Variants in SELENOF observed in about 807,000 individuals in gnomAD.
SELENOF encodes 15 kDa selenoprotein.
In SELENOF, 16 loss-of-function variants were observed where a neutral mutation model predicts 20.5. That is an observed-to-expected ratio of 0.78 (90% confidence interval 0.53 to 1.19). The LOEUF is 1.19. SELENOF is among the 50% of genes most tolerant of loss of function. The pLI, the probability that SELENOF is intolerant of heterozygous loss-of-function variation, is 0.00. For missense variants in SELENOF, 215 were observed against 194.2 expected, an observed-to-expected ratio of 1.11 and a Z score of -0.64; for synonymous variants, 78 against 74.5, an observed-to-expected ratio of 1.05 and a Z score of -0.24.
At chr1:86,883,279 G>C (rs1659124527) in intron 2 of SELENOF, among the ~76,000 whole-genome samples, 1 of 152,138 alleles carries the variant, frequency 6.6e-6, no homozygotes, top group African/African-American at 2.4e-5. Context: ...AATGGTAGTT[G>C]TCAGTGGGGG....
At chr1:86,874,991 T>C (rs1042819232) in intron 3 of SELENOF, among the ~76,000 whole-genome samples, 10 of 152,212 alleles carry the variant, frequency 6.6e-5, no homozygotes, top group African/African-American at 2.4e-4. Context: ...GCCAGCACTC[T>C]GGGAGGCCAA....
chr1:86,863,606 C>A lies in SELENOF; in HGVS notation c.367-1G>T. ...ATACAGGGTCTGAACCACGGACATACTACAAAAAAGAGGGACGTCATCATT... is the reference window on the plus strand; with the variant it reads ...ATACAGGGTCTGAACCACGGACATAATACAAAAAAGAGGGACGTCATCATT... On this transcript the variant is annotated splice_acceptor_variant, in intron 4 of 4. Coordinates refer to ENST00000331835, the MANE Select transcript of SELENOF (RefSeq NM_004261.5). LOFTEE classifies it high-confidence loss of function. The A allele has an allele frequency of 6.2e-7, 1 of 1,611,294 alleles. No homozygotes were observed. The highest frequency in any genetic ancestry group is 2.2e-5 in the East Asian group (1 of 44,822).
chr1:86,892,107 TA>T (rs1160943098), intron 2 of SELENOF, among the ~76,000 whole-genome samples: 1 of 152,056 alleles, frequency 6.6e-6, no homozygotes, highest in Non-Finnish European at 1.5e-5. Context: ...ATTTCTTTTG[TA>T]TTTTTAGTAG....
At chr1:86,867,208 C>A (rs1406560416) in intron 4 of SELENOF, among the ~76,000 whole-genome samples, 1 of 151,950 alleles carries the variant, frequency 6.6e-6, no homozygotes, top group African/African-American at 2.4e-5. Context: ...CAGTGGTGGC[C>A]AGGCGCAGTG....
In SELENOF at chr1:86,862,942, A is replaced by G. The variant is rs1275000398; in HGVS notation, c.*532T>C. 1 of 152,680 alleles carries G rather than the reference A, an allele frequency of 6.5e-6. No individual in the cohort carries two copies. The highest frequency in any genetic ancestry group is 1.5e-5 in the Non-Finnish European group (1 of 68,064). The allele number at this position is 152,680 out of a possible 1,614,324, so 9.5% of individuals were successfully genotyped here. A position where few individuals can be genotyped will look rare whatever the true frequency, so the allele number is the denominator to read the frequency against. ...TATGTTTTACAATAATGAAGCTACA[A>G]AGTTTTTATGCAGTGCATTCATTGT... On this transcript the variant is annotated 3_prime_UTR_variant, in exon 5 of 5. Coordinates refer to ENST00000331835, the MANE Select transcript of SELENOF (RefSeq NM_004261.5).
chr1:86,887,308 T>C lies in SELENOF; in HGVS notation c.253-6583A>G. 3 of 1,209,118 alleles carry C rather than the reference T, an allele frequency of 2.5e-6. No individual in the cohort carries two copies. The South Asian group carries it at 7.1e-5, about 29-fold the overall frequency. 74.9% of individuals were successfully genotyped at this position (1,209,118 alleles called of 1,614,324 possible). ...AAATTACTACTCATCTTGGAGTGCT[T>C]TTTACTAAATTCTGAAAAAATACAA... On this transcript the variant is annotated intron_variant, in intron 2 of 4. Coordinates refer to ENST00000331835, the MANE Select transcript of SELENOF (RefSeq NM_004261.5).
intron 3 of SELENOF, among the ~76,000 whole-genome samples, chr1:86,880,436 C>T (rs571511112): frequency 5.9e-5 from 9 of 152,132 alleles, no homozygotes; most frequent in African/African-American, 1.9e-4. Context: ...TGACCCACCA[C>T]GCCTGGCCTC....
chr1:86,906,558 G>T (rs2102130188), intron 1 of SELENOF, among the ~76,000 whole-genome samples: 1 of 152,298 alleles, frequency 6.6e-6, no homozygotes, highest in South Asian at 2.1e-4. Flanking sequence ...CCTCTGCCTG[G>T]CTAGTATTCT....
chr1:86,903,099 C>A (rs143368646), intron 2 of SELENOF, among the ~76,000 whole-genome samples, 182 bp downstream of exon 2: 202 of 152,308 alleles, frequency 1.3e-3, no homozygotes, highest in Admixed American at 3.7e-3. Context: ...TGGTATGCAA[C>A]CATACTTCTC....
chr1:86,883,443 T>A (rs1659129390), intron 2 of SELENOF, among the ~76,000 whole-genome samples: 1 of 152,112 alleles, frequency 6.6e-6, no homozygotes, highest in South Asian at 2.1e-4. Context: ...TTTTAGTGTA[T>A]ATTTTACACT....
intron 3 of SELENOF, among the ~76,000 whole-genome samples, chr1:86,870,595 A>G (rs1306606895): frequency 2.0e-5 from 3 of 151,932 alleles, no homozygotes; most frequent in Admixed American, 6.6e-5. Context: ...AGCTTAGCAT[A>G]CTTAATAAAT....
intron 2 of SELENOF, among the ~76,000 whole-genome samples, chr1:86,896,273 G>C (rs1321986496): frequency 6.6e-6 from 1 of 151,248 alleles, no homozygotes. Context: ...GGGGAGGGGC[G>C]GATATAGTTA....
intron 1 of SELENOF, among the ~76,000 whole-genome samples, chr1:86,906,856 T>C (rs1209457283): frequency 6.6e-6 from 1 of 152,210 alleles, no homozygotes; most frequent in Non-Finnish European, 1.5e-5. Flanking sequence ...CGTCACTAAA[T>C]TTTAGGGTAA....
chr1:86,885,984 C>A (rs1475902363), intron 2 of SELENOF, among the ~76,000 whole-genome samples: 1 of 152,106 alleles, frequency 6.6e-6, no homozygotes, highest in Admixed American at 6.6e-5. Context: ...AAGTTGTGTA[C>A]GTGAGGCCAT....
chr1:86,862,817 G>A lies in SELENOF; in HGVS notation c.*657C>T, dbSNP rs576535795. On this transcript the variant is annotated 3_prime_UTR_variant, in exon 5 of 5. Coordinates refer to ENST00000331835, the MANE Select transcript of SELENOF (RefSeq NM_004261.5). Reference sequence around the variant, plus strand: ...AATGTAAAACTCAAAAATTTGCCAAGTATGTATCTGATCCACACAAATCCC... The same window carrying A: ...AATGTAAAACTCAAAAATTTGCCAAATATGTATCTGATCCACACAAATCCC... The A allele has an allele frequency of 6.6e-6, 1 of 152,400 alleles. No individual in the cohort carries two copies. Among genetic ancestry groups the A allele is most frequent in the Non-Finnish European group, 1.5e-5 (1 of 68,032 alleles). The allele number at this position is 152,400 out of a possible 1,614,324, so 9.4% of individuals were successfully genotyped here. A position where few individuals can be genotyped will look rare whatever the true frequency, so the allele number is the denominator to read the frequency against.
chr1:86,877,739 G>A lies in SELENOF; in HGVS notation c.316+2923C>T, dbSNP rs370902508. ...GAGGTTGCCAAACGGAGGCCCACGGGCCAAATCTGTCCTGCTTGCTTTTTT... is the reference window on the plus strand; with the variant it reads ...GAGGTTGCCAAACGGAGGCCCACGGACCAAATCTGTCCTGCTTGCTTTTTT... On this transcript the variant is annotated intron_variant, in intron 3 of 4. Transcript: ENST00000331835. Among the ~76,000 whole-genome samples the A allele has an allele frequency of 1.9e-3, 287 of 152,254 alleles. 1 individual carries two copies. Among genetic ancestry groups the A allele is most frequent in the Non-Finnish European group, 3.1e-3 (210 of 68,016 alleles).
Position 86,868,114 on chromosome 1 carries a change from A to AG in SELENOF, c.317-13dup. ...ACTCCTAACAAAAGCTTATAAAAAA[A>AG]GAAAAAAAGATTCAGTAGTTCACTT... On this transcript the variant is annotated splice_polypyrimidine_tract_variant and intron_variant, in intron 3 of 4. Coordinates refer to ENST00000331835, the MANE Select transcript of SELENOF (RefSeq NM_004261.5). The AG allele has an allele frequency of 7.1e-7, 1 of 1,407,302 alleles. No individual in the cohort carries two copies. Among genetic ancestry groups the AG allele is most frequent in the Non-Finnish European group, 9.7e-7 (1 of 1,026,458 alleles). The allele number at this position is 1,407,302 out of a possible 1,614,324, so 87.2% of individuals were successfully genotyped here. A position where few individuals can be genotyped will look rare whatever the true frequency, so the allele number is the denominator to read the frequency against.
intron 1 of SELENOF, among the ~76,000 whole-genome samples, chr1:86,904,384 T>C (rs1007558206): frequency 1.1e-4 from 16 of 152,314 alleles, no homozygotes; most frequent in African/African-American, 3.1e-4. Context: ...ACATAAATCG[T>C]TACATTAAAT....
At chr1:86,899,535 G>A (rs1659621396) in intron 2 of SELENOF, among the ~76,000 whole-genome samples, 1 of 147,978 alleles carries the variant, frequency 6.8e-6, no homozygotes, top group Non-Finnish European at 1.5e-5. Context: ...GGCTGGCCGG[G>A]CGGGGGGCTG....
Sources: gnomAD v4.1 joint callset for allele counts (sites outside exome capture counted in the v4.1 genomes callset) on GRCh38, gnomAD v4.1.1 for gene constraint, MANE v1.5 for transcripts, NCBI Gene and HGNC (gene_info 2026-07-23, HGNC 2026-07-21) for gene names.